The following MYH4 variants were observed in gnomAD, a reference collection of about 807,000 sequenced individuals.
MYH4 encodes myosin heavy chain 4.
A neutral mutation model predicts 229.9 loss-of-function variants in MYH4; 200 were observed. That is an observed-to-expected ratio of 0.87 (90% CI 0.78 to 0.98). MYH4 has a LOEUF of 0.98. MYH4 is among the 50% of genes least tolerant of loss of function. The pLI is 0.00. For missense variants in MYH4, 2,148 were observed against 2,332.6 expected, an observed-to-expected ratio of 0.92 and a Z score of 1.63; for synonymous variants, 761 against 834.6, an observed-to-expected ratio of 0.91 and a Z score of 1.52.
intron 12 of MYH4, 42 bp downstream of exon 12, chr17:10,460,874 T>C (rs1029665): frequency 0.44 from 710,622 of 1,607,460 alleles, 164,802 homozygotes; most frequent in East Asian, 0.84. Flanking sequence ...AAGTTCACTA[T>C]GTCAGCTTTG....
At chr17:10,461,826 G>C (rs959091997) in intron 11 of MYH4, among the ~76,000 whole-genome samples, 1 of 152,142 alleles carries the variant, frequency 6.6e-6, no homozygotes, top group African/African-American at 2.4e-5. Context: ...AGCAGGCAGA[G>C]GAAAATATGT....
rs759769347 is a variant in MYH4 at position 10,452,902 on chromosome 17, G to C, written c.3142C>G (p.Leu1048Val). The change falls in exon 25 of 40, where the codon CTT becomes GTT. Residue 1048 changes from leucine (L) to valine (V), a missense_variant. Transcript: ENST00000255381. Reference protein sequence around the residue: ...LEGSLEQEKKLCMDLERAKRK... With the variant: ...LEGSLEQEKKVCMDLERAKRK... ...TTGGCTCTTTCTAAGTCCATGCAAA[G>C]TTTCTTTTCTTGTTCCAGAGATCCT... The C allele has an allele frequency of 1.9e-6, 3 of 1,602,294 alleles. No homozygotes were observed. Among genetic ancestry groups the C allele is most frequent in the Non-Finnish European group, 2.5e-6 (3 of 1,177,644 alleles).
intron 16 of MYH4, 110 bp downstream of exon 16, chr17:10,457,310 T>G: frequency 1.7e-6 from 2 of 1,200,018 alleles, no homozygotes; most frequent in South Asian, 1.6e-5. Flanking sequence ...ATTAGGCATG[T>G]ATTGGCCAGT....
At chr17:10,466,162 G>T in intron 4 of MYH4, 111 bp downstream of exon 4, 2 of 1,231,114 alleles carry the variant, frequency 1.6e-6, no homozygotes, top group Non-Finnish European at 2.3e-6. Flanking sequence ...CCAAACAATT[G>T]GTCATAAAAG....
At chr17:10,453,053 C>G in intron 24 of MYH4, 99 bp downstream of exon 24, 1 of 1,592,646 alleles carries the variant, frequency 6.3e-7, no homozygotes, top group Non-Finnish European at 8.6e-7. Flanking sequence ...GAACTTTATT[C>G]ACAGACCAAG....
At position 10,450,795 on chromosome 17, in the gene MYH4, C is replaced by A; in HGVS notation, c.3966G>T (p.Gln1322His). 1.2e-6 allele frequency: 2 copies of A among 1,613,854 alleles called. No homozygotes were observed. Among genetic ancestry groups the A allele is most frequent in the East Asian group, 4.5e-5 (2 of 44,890 alleles). Reference sequence around the variant, plus strand: ...TTCTCACCTTAGTCTCCTCTTCTAGCTGCCTCTTTAATTCTTCAATCTGTT... The same window carrying A: ...TTCTCACCTTAGTCTCCTCTTCTAGATGCCTCTTTAATTCTTCAATCTGTT... ...FTQQIEELKR[Q>H]LEEETKAKST... is the part of the protein sequence containing the mutation. Residue 1322 changes from glutamine to histidine, a missense_variant, in exon 29 of 40, where the codon CAG becomes CAT. Coordinates refer to ENST00000255381, the MANE Select transcript of MYH4 (RefSeq NM_017533.2).
Position 10,451,338 on chromosome 17 carries a change from G to A in MYH4, c.3853C>T (p.His1285Tyr), listed in dbSNP as rs2142215289. ...NELSAQKARL[H>Y]TESGEFSRQL... Reference sequence around the variant, plus strand: ...TTTATTTACTGACCTGATTCTGTGTGTAAACGTGCCTTCTGGGCTGACAAC... The same window carrying A: ...TTTATTTACTGACCTGATTCTGTGTATAAACGTGCCTTCTGGGCTGACAAC... The change falls in exon 28 of 40, where the codon CAC (histidine) becomes TAC (tyrosine). Residue 1285 changes from histidine to tyrosine, a missense_variant. Physicochemically the swap from His to Tyr is moderately conservative, Grantham distance 83. Transcript: ENST00000255381. 2 of 1,613,922 alleles carry A rather than the reference G, an allele frequency of 1.2e-6. No homozygotes were observed. The highest frequency in any genetic ancestry group is 1.7e-6 in the Non-Finnish European group (2 of 1,179,954).
At chr17:10,465,778 T>C (rs979020971) in intron 4 of MYH4, among the ~76,000 whole-genome samples, 180 bp from the exon 5 acceptor site, 8 of 140,572 alleles carry the variant, frequency 5.7e-5, no homozygotes, top group African/African-American at 7.9e-5. Context: ...TTCTTTTTTT[T>C]TTTTTTTTTT....
intron 7 of MYH4, 113 bp downstream of exon 7, chr17:10,464,359 T>C (rs775880187): frequency 1.1e-6 from 1 of 876,590 alleles, no homozygotes; most frequent in East Asian, 2.6e-5. Flanking sequence ...TAAGGCTGCA[T>C]AGTATTCCAT....
intron 22 of MYH4, 32 bp from the exon 23 acceptor site, chr17:10,453,917 C>G: frequency 6.2e-7 from 1 of 1,612,352 alleles, no homozygotes. Flanking sequence ...TTTCATTTGT[C>G]TGAGCTATAT....
chr17:10,465,724 G>T (rs2142233104), intron 4 of MYH4, 126 bp from the exon 5 acceptor site: 11 of 1,105,988 alleles, frequency 9.9e-6, no homozygotes, highest in South Asian at 6.1e-5. Context: ...TCATTCATTT[G>T]TTGCCTCCTT....
chr17:10,453,458 T>G, intron 23 of MYH4, 130 bp from the exon 24 acceptor site: 12 of 1,561,328 alleles, frequency 7.7e-6, no homozygotes, highest in Non-Finnish European at 1.0e-5. Flanking sequence ...AACCCAGGCC[T>G]ATAATGGCTG....
rs759545642 is a variant in MYH4 at position 10,448,658 on chromosome 17, A to G, written c.4491T>C (p.Asp1497=). 2.5e-6 allele frequency: 4 copies of G among 1,614,028 alleles called. No individual in the cohort carries two copies. The highest frequency in any genetic ancestry group is 1.7e-5 in the Admixed American group (1 of 59,996). Residue 1497 remains aspartate, a synonymous_variant, in exon 32 of 40, where the codon GAT becomes GAC. Coordinates refer to ENST00000255381, the MANE Select transcript of MYH4 (RefSeq NM_017533.2). Reference sequence around the variant, plus strand: ...TCTCTCGCTTTAGAGTTTCAAGATGATCCAGGGATTCCTCGTAGGCATTCT... The same window carrying G: ...TCTCTCGCTTTAGAGTTTCAAGATGGTCCAGGGATTCCTCGTAGGCATTCT... ...KVKNAYEESL[D]HLETLKRENK...
intron 9 of MYH4, 35 bp from the exon 10 acceptor site, chr17:10,463,223 G>A (rs1420328253): frequency 6.4e-7 from 1 of 1,574,334 alleles, no homozygotes; most frequent in Non-Finnish European, 8.7e-7. Context: ...AAAAGAAGAT[G>A]CCACAGTGAA....
chr17:10,448,021 C>G lies in MYH4; in HGVS notation c.4762G>C (p.Asp1588His), dbSNP rs1212012833. The G allele has an allele frequency of 1.9e-6, 3 of 1,613,860 alleles. No individual in the cohort carries two copies. Among genetic ancestry groups the G allele is most frequent in the East Asian group, 2.2e-5 (1 of 44,874 alleles). The change falls in exon 34 of 40, where the codon GAT becomes CAT. Residue 1588 changes from aspartate to histidine, a missense_variant. Transcript: ENST00000255381. ...RKIAEKDEEL[D>H]QLKRNHLRVV... ...CTGAGATGGTTCCTCTTTAGCTGAT[C>G]GAGTTCTTCATCTTTTTCAGCAATT... is the stretch of plus-strand genomic sequence containing the variant.
At chr17:10,456,298 TG>T in intron 17 of MYH4, among the ~76,000 whole-genome samples, 186 bp downstream of exon 17, 1 of 152,338 alleles carries the variant, frequency 6.6e-6, no homozygotes, top group African/African-American at 2.4e-5. Flanking sequence ...ATATGTAGTT[TG>T]TTTTTTTGTG....
rs1216880885 is a variant in MYH4, at chr17:10,460,224, G to A, written c.1245C>T (p.Thr415=). 6.2e-7 allele frequency: 1 copy of A among 1,614,006 alleles called. No homozygotes were observed. The highest frequency in any genetic ancestry group is 8.5e-7 in the Non-Finnish European group (1 of 1,179,892). Residue 415 remains threonine, a synonymous_variant, in exon 13 of 40, where the codon ACC becomes ACT. Transcript: ENST00000255381. The part of the protein sequence containing the change: ...PRVKVGNEFV[T]KGQTVQQVYN... ...TTACCTGCTGCACAGTCTGGCCTTT[G>A]GTTACGAACTCATTGCCGACCTTGA...
rs1567698860 is a variant in MYH4, at chr17:10,448,383, AT to A, written c.4656+12del. On this transcript the variant is annotated intron_variant, in intron 33 of 39. Coordinates refer to ENST00000255381, the MANE Select transcript of MYH4 (RefSeq NM_017533.2). ...TTATTTATAATGCAGAGCTAAGCAA[AT>A]GAAAAATGTACCTCTGCTTCCTCTA... The A allele has an allele frequency of 6.2e-7, 1 of 1,605,768 alleles. No individual in the cohort carries two copies. The highest frequency in any genetic ancestry group is 1.1e-5 in the South Asian group (1 of 88,668).
chr17:10,447,477 T>C (rs113870554), intron 34 of MYH4, among the ~76,000 whole-genome samples: 23 of 152,188 alleles, frequency 1.5e-4, no homozygotes, highest in African/African-American at 5.3e-4. Context: ...AAAGTATCCT[T>C]AGACTTCAGC....
Sources: allele counts gnomAD v4.1 joint callset (sites outside exome capture counted in the v4.1 genomes callset), GRCh38; gene constraint gnomAD v4.1.1; transcripts MANE v1.5; gene names NCBI Gene and HGNC (gene_info 2026-07-23, HGNC 2026-07-21).